SNX4: variants seen among roughly 807,000 people sequenced by gnomAD.
The protein encoded by SNX4 is sorting nexin 4.
In SNX4, 49 loss-of-function variants were observed where a neutral mutation model predicts 70.8. The observed-to-expected ratio is 0.69, with a 90% confidence interval of 0.55 to 0.88. SNX4 has a LOEUF of 0.88. Among genes scored for constraint, SNX4 ranks in the 40% least tolerant of loss-of-function variants. SNX4 has a pLI of 0.00. For missense variants in SNX4, 528 were observed against 544.8 expected (o/e 0.97, Z 0.31); for synonymous variants, 206 against 183.8 (o/e 1.12, Z -0.98).
At chr3:125,452,808 AG>A (rs1933609809) in intron 12 of SNX4, among the ~76,000 whole-genome samples, 1 of 151,994 alleles carries the variant, frequency 6.6e-6, no homozygotes, top group South Asian at 2.1e-4. Context: ...TAGTAGAGAC[AG>A]GGTTTCAGCA....
At chr3:125,452,102 C>G (rs575458257) in intron 12 of SNX4, among the ~76,000 whole-genome samples, 3 of 150,640 alleles carry the variant, frequency 2.0e-5, no homozygotes, top group Non-Finnish European at 4.4e-5. Flanking sequence ...TTATGAATCA[C>G]GTTTAGCATT....
At chr3:125,511,869 G>A (rs1408459702) in intron 1 of SNX4, among the ~76,000 whole-genome samples, 1 of 152,134 alleles carries the variant, frequency 6.6e-6, no homozygotes, top group Non-Finnish European at 1.5e-5. Context: ...AGGTCTGAAA[G>A]AGGTCTGTGA....
intron 1 of SNX4, among the ~76,000 whole-genome samples, chr3:125,518,775 G>C (rs1308307340): frequency 1.3e-5 from 2 of 151,990 alleles, no homozygotes; most frequent in Non-Finnish European, 2.9e-5. Flanking sequence ...GGCCGAGGAG[G>C]GTGGATCACT....
chr3:125,475,794 T>C (rs540692998), intron 8 of SNX4, among the ~76,000 whole-genome samples: 5 of 152,020 alleles, frequency 3.3e-5, no homozygotes, highest in East Asian at 3.9e-4. Flanking sequence ...CTGGGCAACA[T>C]AGTAAAGTCC....
chr3:125,465,978 T>C (rs1472605772), intron 9 of SNX4, among the ~76,000 whole-genome samples: 1 of 152,148 alleles, frequency 6.6e-6, no homozygotes, highest in African/African-American at 2.4e-5. Context: ...TGGGGAGAAC[T>C]GACATCTTAA....
chr3:125,505,180 G>C (rs1358309213), intron 1 of SNX4, among the ~76,000 whole-genome samples: 1 of 152,180 alleles, frequency 6.6e-6, no homozygotes, highest in African/African-American at 2.4e-5. Context: ...ATGTTGGCCA[G>C]GCTGGTCTCA....
intron 5 of SNX4, among the ~76,000 whole-genome samples, chr3:125,495,515 A>G (rs928553425): frequency 1.4e-5 from 2 of 147,156 alleles, no homozygotes; most frequent in South Asian, 2.1e-4. Context: ...TGAATTATTA[A>G]TTCTGTATAC....
intron 6 of SNX4, among the ~76,000 whole-genome samples, chr3:125,483,552 C>G (rs1340347182): frequency 6.6e-6 from 1 of 152,146 alleles, no homozygotes; most frequent in Non-Finnish European, 1.5e-5. Context: ...GTTGAAAGGT[C>G]TTAACACCTT....
At chr3:125,482,850 G>T (rs963112672) in intron 6 of SNX4, among the ~76,000 whole-genome samples, 1 of 152,020 alleles carries the variant, frequency 6.6e-6, no homozygotes, top group African/African-American at 2.4e-5. Flanking sequence ...ATAATTTAGG[G>T]ATAAAAGAGT....
At chr3:125,454,349 G>A (rs962579132) in intron 11 of SNX4, among the ~76,000 whole-genome samples, 10 of 152,146 alleles carry the variant, frequency 6.6e-5, no homozygotes, top group African/African-American at 1.4e-4. Flanking sequence ...TTAGGAGCAC[G>A]AACCCTATTG....
chr3:125,520,007 G>C (rs745527893), intron 1 of SNX4, 25 bp downstream of exon 1: 2 of 1,430,908 alleles, frequency 1.4e-6, no homozygotes, highest in Non-Finnish European at 1.9e-6. Flanking sequence ...CAGGCCATGA[G>C]GGCTCTGCCG....
At chr3:125,507,975 A>C (rs1399977730) in intron 1 of SNX4, among the ~76,000 whole-genome samples, 1 of 152,200 alleles carries the variant, frequency 6.6e-6, no homozygotes, top group Non-Finnish European at 1.5e-5. Context: ...CATTTACAAT[A>C]GCATCAAAAA....
chr3:125,504,415 T>C (rs966392042), intron 2 of SNX4, among the ~76,000 whole-genome samples: 3 of 151,220 alleles, frequency 2.0e-5, no homozygotes, highest in African/African-American at 2.4e-5. Context: ...CCCCAGGAGT[T>C]TGAGGCTGCA....
At chr3:125,519,024 A>AT (rs1935338662) in intron 1 of SNX4, among the ~76,000 whole-genome samples, 2 of 151,914 alleles carry the variant, frequency 1.3e-5, no homozygotes, top group South Asian at 2.1e-4. Context: ...AAATAAATAA[A>AT]TAAATTAATT....
intron 1 of SNX4, among the ~76,000 whole-genome samples, chr3:125,507,016 A>G (rs1200413627): frequency 6.6e-6 from 1 of 150,682 alleles, no homozygotes; most frequent in Non-Finnish European, 1.5e-5. Flanking sequence ...AGTCTAGCCA[A>G]CATGTTGAAA....
intron 9 of SNX4, among the ~76,000 whole-genome samples, chr3:125,465,295 G>A (rs1177983112): frequency 2.0e-5 from 3 of 151,636 alleles, no homozygotes; most frequent in Non-Finnish European, 2.9e-5. Flanking sequence ...ACCCAGGCTG[G>A]AGTGCAATGG....
intron 2 of SNX4, among the ~76,000 whole-genome samples, chr3:125,502,816 C>T (rs1233732587): frequency 7.0e-6 from 1 of 142,508 alleles, no homozygotes; most frequent in Non-Finnish European, 1.5e-5. Context: ...ATCGCGCCAC[C>T]GCACTCTAGC....
At chr3:125,486,213 T>C (rs754297046) in intron 6 of SNX4, among the ~76,000 whole-genome samples, 9 of 152,190 alleles carry the variant, frequency 5.9e-5, no homozygotes, top group Non-Finnish European at 2.9e-5. Flanking sequence ...TCTCTATCCA[T>C]ACTTCCTGCC....
intron 9 of SNX4, among the ~76,000 whole-genome samples, chr3:125,469,055 A>C (rs1934106694): frequency 2.0e-5 from 3 of 152,200 alleles, no homozygotes; most frequent in Non-Finnish European, 2.9e-5. Context: ...AGAGCAAACA[A>C]CCTTGCCTTT....
Sources: allele counts gnomAD v4.1 joint callset (sites outside exome capture counted in the v4.1 genomes callset), GRCh38; gene constraint gnomAD v4.1.1; transcripts MANE v1.5; gene names NCBI Gene and HGNC (gene_info 2026-07-23, HGNC 2026-07-21).